Variants in PRDM16 observed in about 807,000 individuals in gnomAD.
The protein encoded by PRDM16 is PR/SET domain 16.
PRDM16 carries 23 observed loss-of-function variants against 110.6 expected under a neutral mutation model. The ratio of observed to expected loss-of-function variants is 0.21; its 90% CI spans 0.15 to 0.29. PRDM16 has a LOEUF of 0.29. Among genes scored for constraint, PRDM16 ranks in the 10% least tolerant of loss-of-function variants. The probability of loss-of-function intolerance (pLI) is 1.00; values close to 1 mark genes in which losing one functional copy is unlikely to be tolerated. For missense variants in PRDM16, 1,615 were observed against 1,794.3 expected (o/e 0.90, Z 1.81); for synonymous variants, 799 against 781.8 (o/e 1.02, Z -0.37).
intron 3 of PRDM16, among the ~76,000 whole-genome samples, chr1:3,345,975 C>A (rs1197816910): frequency 1.3e-5 from 2 of 152,252 alleles, no homozygotes; most frequent in Non-Finnish European, 2.9e-5. Context: ...GGGTCTCCCC[C>A]ATCCAGGGGC....
chr1:3,390,369 GGCT>G lies in PRDM16; in HGVS notation c.573+5085_573+5087del, dbSNP rs1344015570. Among the ~76,000 whole-genome samples, 1 of 152,150 alleles carries G rather than the reference GGCT, an allele frequency of 6.6e-6. No individual in the cohort carries two copies. The highest frequency in any genetic ancestry group is 1.5e-5 in the Non-Finnish European group (1 of 68,018). ...CGGGCCCCCCAGCGTACCACGGAAC[GGCT>G]GTAGGGCTCTCAAACGACCTGTAGC... On this transcript the variant is annotated intron_variant, in intron 4 of 16. Coordinates refer to ENST00000270722, the MANE Select transcript of PRDM16 (RefSeq NM_022114.4). The surrounding 1 kb of genome is among the most constrained non-coding windows in gnomAD (Gnocchi z 5.0).
At chr1:3,351,692 CCTCT>C (rs887796887) in intron 3 of PRDM16, among the ~76,000 whole-genome samples, 1 of 80,260 alleles carries the variant, frequency 1.2e-5, no homozygotes, top group African/African-American at 6.1e-5. Context: ...TTCTCTCCTC[CCTCT>C]GTCTCTCCCT....
chr1:3,192,947 T>A (rs1638350903), intron 2 of PRDM16, among the ~76,000 whole-genome samples: 1 of 152,114 alleles, frequency 6.6e-6, no homozygotes, highest in African/African-American at 2.4e-5. Context: ...CCACCTGCAA[T>A]TGAGCGAGAT....
intron 2 of PRDM16, among the ~76,000 whole-genome samples, chr1:3,236,165 G>A (rs998293224): frequency 1.3e-5 from 2 of 152,160 alleles, no homozygotes; most frequent in South Asian, 2.1e-4. Flanking sequence ...CTTGTGCCCC[G>A]AGGTGCTAGA....
rs886681495 is a variant in PRDM16 at position 3,296,724 on chromosome 1, C to T, written c.438+52587C>T. Among the ~76,000 whole-genome samples, 90 of 152,142 alleles carry T rather than the reference C, an allele frequency of 5.9e-4. 2 individuals are homozygous for T. The highest frequency in any genetic ancestry group is 1.3e-4 in the Non-Finnish European group (9 of 68,030). On this transcript the variant is annotated intron_variant, in intron 3 of 16. Coordinates refer to ENST00000270722, the MANE Select transcript of PRDM16 (RefSeq NM_022114.4). ...GGGGCTGAGTAGGAAAGGATATGGC[C>T]GGGAAGGAGGGCTGATTTGTTTTCA...
intron 3 of PRDM16, among the ~76,000 whole-genome samples, chr1:3,248,299 T>C (rs1373211251): frequency 6.6e-6 from 1 of 152,206 alleles, no homozygotes; most frequent in Admixed American, 6.5e-5. Context: ...CCCGGCAGCC[T>C]TTCCCTTTGT....
chr1:3,171,271 G>A (rs976354003), intron 1 of PRDM16, among the ~76,000 whole-genome samples: 2 of 152,230 alleles, frequency 1.3e-5, no homozygotes, highest in East Asian at 1.9e-4. Context: ...CGGCTGTTAC[G>A]GCGCTTGCTC....
At chr1:3,302,049 C>T (rs189254623) in intron 3 of PRDM16, among the ~76,000 whole-genome samples, 32 of 152,214 alleles carry the variant, frequency 2.1e-4, no homozygotes, top group African/African-American at 7.7e-4. Flanking sequence ...AGCTGCAGTT[C>T]TCTTCTATGC....
At chr1:3,378,195 G>C (rs559972181) in intron 3 of PRDM16, among the ~76,000 whole-genome samples, 87 of 152,330 alleles carry the variant, frequency 5.7e-4, no homozygotes, top group African/African-American at 2.0e-3. Context: ...GAGTGTTCCT[G>C]TTGCCAGTGT....
chr1:3,128,918 G>A (rs1043314026), intron 1 of PRDM16, among the ~76,000 whole-genome samples: 2 of 152,236 alleles, frequency 1.3e-5, no homozygotes, highest in Non-Finnish European at 2.9e-5. Flanking sequence ...GTGCGCAGCC[G>A]TGGCCGGCAG....
At chr1:3,226,824 C>T (rs1488125314) in intron 2 of PRDM16, among the ~76,000 whole-genome samples, 2 of 152,176 alleles carry the variant, frequency 1.3e-5, no homozygotes. Flanking sequence ...AGAACGGTGT[C>T]GGCTAATCTC....
chr1:3,393,301 G>T, intron 4 of PRDM16, among the ~76,000 whole-genome samples: 1 of 152,344 alleles, frequency 6.6e-6, no homozygotes, highest in Middle Eastern at 3.4e-3. Context: ...CTTCCTTTCC[G>T]GCGGCCAGTC....
intron 1 of PRDM16, among the ~76,000 whole-genome samples, chr1:3,145,783 C>T (rs990782597): frequency 6.6e-5 from 10 of 152,318 alleles, no homozygotes; most frequent in East Asian, 1.9e-4. Flanking sequence ...CCGAGGCTCC[C>T]GATAACCTCA....
intron 1 of PRDM16, among the ~76,000 whole-genome samples, chr1:3,113,895 CTTGAGAATA>C (rs1359238939): frequency 3.9e-5 from 6 of 152,246 alleles, no homozygotes; most frequent in Non-Finnish European, 5.9e-5. Flanking sequence ...GATGCTTTCC[CTTGAGAATA>C]TTTTCTGTTT....
intron 4 of PRDM16, among the ~76,000 whole-genome samples, chr1:3,391,793 G>A (rs1337330571): frequency 1.3e-5 from 2 of 152,262 alleles, no homozygotes; most frequent in Non-Finnish European, 2.9e-5. Flanking sequence ...GCTCAGCACG[G>A]AGGAAGCCGG....
intron 1 of PRDM16, among the ~76,000 whole-genome samples, chr1:3,089,790 G>A (rs561344539): frequency 6.6e-6 from 1 of 152,330 alleles, no homozygotes; most frequent in East Asian, 1.9e-4. Context: ...CACCAGGGAT[G>A]TTCCATTTGA....
rs562408527 is a variant in PRDM16 at position 3,434,988 on chromosome 1, A to G, written c.*1177A>G. On this transcript the variant is annotated 3_prime_UTR_variant, in exon 17 of 17. Transcript: ENST00000270722. ...CTGTGCCTGAGACTCCGGATGGACG[A>G]CACAGTCGTCACGTCGCTCTTCCTG... 1.3e-5 allele frequency: 3 copies of G among 228,120 alleles called. No homozygotes were observed. Among genetic ancestry groups the G allele is most frequent in the African/African-American group, 6.7e-5 (3 of 45,014 alleles). 14.1% of individuals were successfully genotyped at this position (228,120 alleles called of 1,614,324 possible).
intron 16 of PRDM16, 132 bp downstream of exon 16, chr1:3,432,272 TC>T: frequency 1.4e-6 from 1 of 711,394 alleles, no homozygotes; most frequent in Admixed American, 2.6e-5. Context: ...CCACGCTGCA[TC>T]CTCCAGAGAG....
chr1:3,273,817 A>AGTGTGTGT (rs57550885), intron 3 of PRDM16, among the ~76,000 whole-genome samples: 33 of 137,080 alleles, frequency 2.4e-4, no homozygotes, highest in East Asian at 6.8e-4. Flanking sequence ...TAGGCATGTA[A>AGTGTGTGT]GTGTGTGTGT....
Sources: allele counts gnomAD v4.1 joint callset (sites outside exome capture counted in the v4.1 genomes callset), GRCh38; gene constraint gnomAD v4.1.1; non-coding constraint Gnocchi (gnomAD v3.1); transcripts MANE v1.5; gene names NCBI Gene and HGNC (gene_info 2026-07-23, HGNC 2026-07-21).